RCL1: variants seen among roughly 807,000 people sequenced by gnomAD.
RCL1 encodes RNA 3'-terminal phosphate cyclase-like protein.
RCL1 carries 24 observed loss-of-function variants against 42.4 expected under a neutral mutation model. The observed-to-expected ratio is 0.57, with a 90% confidence interval of 0.41 to 0.80. RCL1 has a LOEUF of 0.80. Among genes scored for constraint, RCL1 ranks in the 30% least tolerant of loss-of-function variants. RCL1 has a pLI of 0.00. For synonymous variants in RCL1, 228 were observed against 177.3 expected, an observed-to-expected ratio of 1.29 and a Z score of -2.27; for missense variants, 578 against 467.9, an observed-to-expected ratio of 1.24 and a Z score of -2.17.
chr9:4,844,691 C>T lies in RCL1; in HGVS notation c.867+10C>T, dbSNP rs1456010085. ...GGAGGAAATCTACAGGGTATGTCCA[C>T]AGCTTCCTCTGATAGAGGAGTGACC... On this transcript the variant is annotated intron_variant, in intron 7 of 8. Transcript: ENST00000381750. 1 of 1,607,552 alleles carries T rather than the reference C, an allele frequency of 6.2e-7. No individual in the cohort carries two copies. The highest frequency in any genetic ancestry group is 2.2e-5 in the East Asian group (1 of 44,792).
chr9:4,834,037 C>T lies in RCL1; in HGVS notation c.460-104C>T, dbSNP rs889804321. ...ACAGATTGAATATGGAAGAGCTATGCCTTGTAAGGAAGCATCTGCTGGTGT... is the reference window on the plus strand; with the variant it reads ...ACAGATTGAATATGGAAGAGCTATGTCTTGTAAGGAAGCATCTGCTGGTGT... On this transcript the variant is annotated intron_variant, in intron 4 of 8. Coordinates refer to ENST00000381750, the MANE Select transcript of RCL1 (RefSeq NM_005772.5). The T allele has an allele frequency of 2.3e-6, 3 of 1,285,422 alleles. No homozygotes were observed. In the African/African-American group the frequency reaches 4.5e-5, roughly 19 times the overall value. 79.6% of individuals were successfully genotyped at this position (1,285,422 alleles called of 1,614,324 possible). A position where few individuals can be genotyped will look rare whatever the true frequency, so the allele number is the denominator to read the frequency against.
At position 4,793,105 on chromosome 9, in the gene RCL1, C is replaced by G. The variant is rs372308348; in HGVS notation, c.14C>G (p.Ala5Gly). Residue 5 changes from alanine to glycine, a missense_variant, in exon 1 of 9, where the codon GCG (alanine) becomes GGG (glycine). Coordinates refer to ENST00000381750, the MANE Select transcript of RCL1 (RefSeq NM_005772.5). Reference sequence around the variant, plus strand: ...GAGAGCGCGCACATGGCGACTCAGGCGCACTCCCTCAGCTACGCAGGGTGC... The same window carrying G: ...GAGAGCGCGCACATGGCGACTCAGGGGCACTCCCTCAGCTACGCAGGGTGC... MATQ[A>G]HSLSYAGCNF... The G allele has an allele frequency of 6.2e-7, 1 of 1,609,220 alleles. No homozygotes were observed. Among genetic ancestry groups the G allele is most frequent in the African/African-American group, 1.3e-5 (1 of 74,254 alleles).
At chr9:4,833,289 T>G in intron 4 of RCL1, 61 bp downstream of exon 4, 1 of 1,236,962 alleles carries the variant, frequency 8.1e-7, no homozygotes, top group Non-Finnish European at 1.2e-6. Context: ...CACTGACTCA[T>G]TGGAAGAGCT....
intron 3 of RCL1, 122 bp downstream of exon 3, chr9:4,827,155 T>G (rs1816792724): frequency 6.4e-7 from 1 of 1,554,258 alleles, no homozygotes; most frequent in Non-Finnish European, 8.7e-7. Context: ...CTTTTGTTAT[T>G]TACTTTGAGA....
chr9:4,827,233 T>C, intron 3 of RCL1, 200 bp downstream of exon 3: 1 of 1,502,544 alleles, frequency 6.7e-7, no homozygotes, highest in Non-Finnish European at 8.9e-7. Flanking sequence ...AGGACTATTG[T>C]TAACAGTTAC....
chr9:4,860,734 A>G lies in RCL1; in HGVS notation c.*459A>G, dbSNP rs1019771658. 6.4e-6 allele frequency: 1 copy of G among 155,936 alleles called. No homozygotes were observed. Among genetic ancestry groups the G allele is most frequent in the Non-Finnish European group, 1.4e-5 (1 of 70,910 alleles). The allele number at this position is 155,936 out of a possible 1,614,324, so 9.7% of individuals were successfully genotyped here. On this transcript the variant is annotated 3_prime_UTR_variant, in exon 9 of 9. Transcript: ENST00000381750. ...TGTAGGGATTAAATGAGATAATATG[A>G]GTGGCAGCTCTTCATGAGTCCTGCA...
chr9:4,841,704 A>C (rs185687198), intron 6 of RCL1, among the ~76,000 whole-genome samples: 1 of 152,358 alleles, frequency 6.6e-6, no homozygotes, highest in African/African-American at 2.4e-5. Flanking sequence ...AGTAAATAAC[A>C]GTATAGGGTT....
intron 8 of RCL1, among the ~76,000 whole-genome samples, chr9:4,854,575 A>G (rs1817868558): frequency 6.6e-6 from 1 of 152,060 alleles, no homozygotes; most frequent in Admixed American, 6.5e-5. Flanking sequence ...GGCTCACCCC[A>G]TGATTGCCTT....
chr9:4,815,684 C>CA (rs1273199380), intron 1 of RCL1, among the ~76,000 whole-genome samples: 1 of 151,988 alleles, frequency 6.6e-6, no homozygotes, highest in African/African-American at 2.4e-5. Flanking sequence ...AGACACACTC[C>CA]AGCCATAGTT....
intron 1 of RCL1, among the ~76,000 whole-genome samples, chr9:4,817,238 C>G (rs934878664): frequency 5.3e-5 from 8 of 151,860 alleles, no homozygotes; most frequent in Admixed American, 1.3e-4. Flanking sequence ...CTTTTGTGTC[C>G]TTTTCATTTA....
intron 1 of RCL1, among the ~76,000 whole-genome samples, chr9:4,796,449 G>A (rs1224625093): frequency 6.6e-6 from 1 of 152,188 alleles, no homozygotes; most frequent in Non-Finnish European, 1.5e-5. Flanking sequence ...TGTCATGAGT[G>A]CAGTGGTGTG....
chr9:4,858,687 T>C lies in RCL1; in HGVS notation c.972-1438T>C, dbSNP rs193134919. On this transcript the variant is annotated intron_variant, in intron 8 of 8. Coordinates refer to ENST00000381750, the MANE Select transcript of RCL1 (RefSeq NM_005772.5). ...TTTCTTGACTCTCAATTCTCTTCCA[T>C]TGATCTATGTGTTTAGCGTCAGTGT... 2.0e-4 allele frequency among the ~76,000 whole-genome samples: 30 copies of C among 152,342 alleles called. No individual in the cohort carries two copies. The East Asian group carries it at 5.2e-3, about 26-fold the overall frequency.
intron 5 of RCL1, chr9:4,839,850 G>C: frequency 1.0e-6 from 1 of 985,510 alleles, no homozygotes; most frequent in Non-Finnish European, 1.2e-6. Flanking sequence ...TATGTGAAGA[G>C]AGATGTATGG....
intron 1 of RCL1, among the ~76,000 whole-genome samples, chr9:4,820,921 A>G (rs1387169189): frequency 6.6e-6 from 1 of 152,262 alleles, no homozygotes; most frequent in Non-Finnish European, 1.5e-5. Flanking sequence ...TTTCACGAAC[A>G]GCATCCTTAG....
intron 3 of RCL1, among the ~76,000 whole-genome samples, chr9:4,831,922 C>T (rs1009963211): frequency 1.3e-5 from 2 of 152,218 alleles, no homozygotes; most frequent in African/African-American, 4.8e-5. Flanking sequence ...TTGTGATTTT[C>T]TTGTCTGAGG....
intron 1 of RCL1, among the ~76,000 whole-genome samples, chr9:4,794,129 A>G (rs1343809433): frequency 6.6e-6 from 1 of 152,200 alleles, no homozygotes; most frequent in Non-Finnish European, 1.5e-5. Context: ...CTGTAAATTG[A>G]AAAAGAGTGT....
chr9:4,831,614 C>T (rs1036528194), intron 3 of RCL1, among the ~76,000 whole-genome samples: 1 of 150,098 alleles, frequency 6.7e-6, no homozygotes, highest in Non-Finnish European at 1.5e-5. Context: ...GTAGCTAGGA[C>T]CACAGGCGTG....
chr9:4,827,088 C>G, intron 3 of RCL1, 55 bp downstream of exon 3: 1 of 1,610,868 alleles, frequency 6.2e-7, no homozygotes, highest in Non-Finnish European at 8.5e-7. Context: ...TTGTCACAAC[C>G]CAACTTGTGA....
intron 6 of RCL1, among the ~76,000 whole-genome samples, chr9:4,843,924 G>C (rs181975850): frequency 0.013 from 2,037 of 152,272 alleles, 45 homozygotes; most frequent in African/African-American, 0.046. Flanking sequence ...ATAACTCAGA[G>C]TGCCTCCCAG....
Sources: allele counts gnomAD v4.1 joint callset (sites outside exome capture counted in the v4.1 genomes callset), GRCh38; gene constraint gnomAD v4.1.1; transcripts MANE v1.5; gene names NCBI Gene and HGNC (gene_info 2026-07-23, HGNC 2026-07-21).